The following PCDH15 variants were observed in gnomAD, a reference collection of about 807,000 sequenced individuals.
PCDH15 encodes protocadherin related 15.
In PCDH15, 129 loss-of-function variants were observed where a neutral mutation model predicts 178.5. That is an observed-to-expected ratio of 0.72 (90% CI 0.63 to 0.84). PCDH15 has a LOEUF of 0.84. PCDH15 is among the 40% of genes least tolerant of loss of function. The probability of loss-of-function intolerance (pLI) is 0.00; values close to 1 mark genes in which losing one functional copy is unlikely to be tolerated. For missense variants in PCDH15, 2,230 were observed against 2,099.9 expected, an observed-to-expected ratio of 1.06 and a Z score of -1.21; for synonymous variants, 800 against 732.0, an observed-to-expected ratio of 1.09 and a Z score of -1.50.
intron 26 of PCDH15, among the ~76,000 whole-genome samples, chr10:53,890,025 C>T (rs564451609): frequency 3.9e-4 from 59 of 152,322 alleles, no homozygotes; most frequent in African/African-American, 1.3e-3. Context: ...GGTTACACTA[C>T]CGTGTTCACT....
intron 11 of PCDH15, among the ~76,000 whole-genome samples, chr10:54,186,924 G>A (rs570451559): frequency 1.3e-5 from 2 of 152,112 alleles, no homozygotes; most frequent in South Asian, 4.1e-4. Flanking sequence ...ACTTTAGAGT[G>A]AATTGTGATT....
At chr10:54,451,841 C>A (rs1401899739) in intron 3 of PCDH15, among the ~76,000 whole-genome samples, 1 of 151,838 alleles carries the variant, frequency 6.6e-6, no homozygotes, top group Non-Finnish European at 1.5e-5. Context: ...GATTATGCAA[C>A]TTTTTGTAAG....
intron 1 of PCDH15, among the ~76,000 whole-genome samples, chr10:54,800,328 C>A (rs2133699526): frequency 6.6e-6 from 1 of 152,272 alleles, no homozygotes; most frequent in Non-Finnish European, 1.5e-5. Context: ...GACCTAGATT[C>A]AAATTCTAAA....
intron 3 of PCDH15, among the ~76,000 whole-genome samples, chr10:54,503,323 TTA>T (rs919487723): frequency 2.7e-5 from 4 of 146,072 alleles, no homozygotes; most frequent in South Asian, 2.1e-4. Flanking sequence ...ATGTTTTATA[TTA>T]TATATATATA....
intron 1 of PCDH15, among the ~76,000 whole-genome samples, chr10:54,714,095 G>T (rs574313833): frequency 6.6e-6 from 1 of 152,168 alleles, no homozygotes; most frequent in Non-Finnish European, 1.5e-5. Flanking sequence ...TTTATTCTTC[G>T]GTTATATTTT....
At chr10:55,150,855 A>C (rs565734918) in intron 2 of PCDH15, among the ~76,000 whole-genome samples, 3 of 152,284 alleles carry the variant, frequency 2.0e-5, no homozygotes, top group African/African-American at 4.8e-5. Context: ...GAAAGCCAAG[A>C]GCTCTCAGTT....
intron 2 of PCDH15, among the ~76,000 whole-genome samples, chr10:55,549,535 C>T (rs1841962698): frequency 6.6e-6 from 1 of 152,062 alleles, no homozygotes; most frequent in African/African-American, 2.4e-5. Flanking sequence ...ACCAACAGCA[C>T]AGGGAAAGAT....
intron 1 of PCDH15, among the ~76,000 whole-genome samples, chr10:55,208,911 C>T (rs919224256): frequency 6.6e-6 from 1 of 151,970 alleles, no homozygotes; most frequent in South Asian, 2.1e-4. Context: ...ATACAGTATA[C>T]TTGGGCAAGT....
chr10:53,943,822 T>C (rs999155704), intron 23 of PCDH15, among the ~76,000 whole-genome samples: 2 of 152,132 alleles, frequency 1.3e-5, no homozygotes, highest in African/African-American at 4.8e-5. Context: ...CAAAAAGAAT[T>C]AAATGAACCT....
Position 54,861,180 on chromosome 10 carries a change from A to G in PCDH15, c.-29+36270T>C, listed in dbSNP as rs909259682. Reference sequence around the variant, plus strand: ...CCATCTCCTGGTCTTCTGGAGTAACATATCTACAGAATCAAAGTAAAGGCA... The same window carrying G: ...CCATCTCCTGGTCTTCTGGAGTAACGTATCTACAGAATCAAAGTAAAGGCA... On this transcript the variant is annotated intron_variant, in intron 3 of 5. Coordinates refer to the PCDH15 transcript ENST00000458638. 3.9e-5 allele frequency among the ~76,000 whole-genome samples: 6 copies of G among 152,260 alleles called. No individual in the cohort carries two copies. The South Asian group carries it at 1.2e-3, about 32-fold the overall frequency.
At chr10:54,635,498 G>T (rs1168572833) in intron 2 of PCDH15, among the ~76,000 whole-genome samples, 1 of 151,546 alleles carries the variant, frequency 6.6e-6, no homozygotes, top group African/African-American at 2.4e-5. Context: ...CTATTACATG[G>T]AAATTGTGAA....
chr10:55,332,217 C>A (rs1168192257), intron 2 of PCDH15, among the ~76,000 whole-genome samples: 1 of 151,908 alleles, frequency 6.6e-6, no homozygotes, highest in East Asian at 1.9e-4. Context: ...AGATATATGT[C>A]TTTTATATAA....
intron 2 of PCDH15, among the ~76,000 whole-genome samples, chr10:55,588,176 C>T (rs1370875190): frequency 6.6e-6 from 1 of 152,154 alleles, no homozygotes; most frequent in Non-Finnish European, 1.5e-5. Context: ...TTAGCAAATG[C>T]AAACCTGGGG....
chr10:55,534,671 C>T (rs1841531414), intron 2 of PCDH15, among the ~76,000 whole-genome samples: 1 of 151,910 alleles, frequency 6.6e-6, no homozygotes, highest in African/African-American at 2.4e-5. Context: ...TCTCAAAGAA[C>T]TTAAAAACAG....
chr10:54,241,350 A>G (rs762639679), intron 8 of PCDH15, among the ~76,000 whole-genome samples: 9 of 152,190 alleles, frequency 5.9e-5, no homozygotes, highest in Non-Finnish European at 8.8e-5. Context: ...CCATAGCTCA[A>G]ATATGCTTGG....
chr10:54,358,638 T>A (rs2134420666), intron 5 of PCDH15, among the ~76,000 whole-genome samples: 1 of 152,146 alleles, frequency 6.6e-6, no homozygotes. Context: ...AAATACCATT[T>A]GACCCAGCCA....
At chr10:54,768,136 CAA>C (rs1948717882) in intron 1 of PCDH15, among the ~76,000 whole-genome samples, 1 of 151,864 alleles carries the variant, frequency 6.6e-6, no homozygotes, top group Non-Finnish European at 1.5e-5. Context: ...ATAACTTAAC[CAA>C]AGAGTCTAAA....
intron 21 of PCDH15, among the ~76,000 whole-genome samples, chr10:53,964,357 ATTT>A (rs987030193): frequency 3.6e-5 from 3 of 83,910 alleles, no homozygotes; most frequent in African/African-American, 8.9e-5. Context: ...TGAATAAATA[ATTT>A]TTTATTTATA....
chr10:54,522,954 C>T (rs1013559840), intron 3 of PCDH15, among the ~76,000 whole-genome samples: 4 of 152,056 alleles, frequency 2.6e-5, no homozygotes, highest in African/African-American at 9.7e-5. Flanking sequence ...TACTCAAAAC[C>T]AACTTAAGAA....
Sources: allele counts gnomAD v4.1 joint callset (sites outside exome capture counted in the v4.1 genomes callset), GRCh38; gene constraint gnomAD v4.1.1; transcripts MANE v1.5; gene names NCBI Gene and HGNC (gene_info 2026-07-23, HGNC 2026-07-21).